The following MROH2B variants were observed in gnomAD, a reference collection of about 807,000 sequenced individuals.
MROH2B encodes the protein maestro heat-like repeat-containing protein family member 2B.
MROH2B carries 177 observed loss-of-function variants against 208.6 expected under a neutral mutation model. The ratio of observed to expected loss-of-function variants is 0.85; its 90% confidence interval spans 0.75 to 0.96. The LOEUF is 0.96. Among genes scored for constraint, MROH2B ranks in the 40% least tolerant of loss-of-function variants. The pLI is 0.00. For missense variants in MROH2B, 2,002 were observed against 1,878.7 expected (o/e 1.07, Z -1.21); for synonymous variants, 728 against 659.0 (o/e 1.10, Z -1.60).
intron 24 of MROH2B, among the ~76,000 whole-genome samples, chr5:41,027,959 G>T (rs1482254352): frequency 6.6e-6 from 1 of 151,328 alleles, no homozygotes; most frequent in African/African-American, 2.4e-5. Flanking sequence ...AACACCGCTT[G>T]TTCTCACTCA....
chr5:41,026,246 G>T (rs1346668896), intron 24 of MROH2B, among the ~76,000 whole-genome samples: 1 of 152,178 alleles, frequency 6.6e-6, no homozygotes, highest in Non-Finnish European at 1.5e-5. Context: ...AAGTCAAGTT[G>T]TCCCTGTTTG....
intron 33 of MROH2B, 54 bp downstream of exon 33, chr5:41,008,552 C>T: frequency 3.1e-6 from 5 of 1,591,520 alleles, no homozygotes; most frequent in Non-Finnish European, 3.4e-6. Flanking sequence ...AGCACCACTC[C>T]TGGAGTCTGG....
intron 11 of MROH2B, among the ~76,000 whole-genome samples, chr5:41,053,201 C>A (rs1743339520): frequency 6.6e-6 from 1 of 152,094 alleles, no homozygotes; most frequent in African/African-American, 2.4e-5. Context: ...ACTATGAAAA[C>A]TGGATTTTTG....
intron 10 of MROH2B, 53 bp from the exon 11 acceptor site, chr5:41,054,893 G>A: frequency 4.8e-6 from 6 of 1,243,290 alleles, no homozygotes; most frequent in Admixed American, 2.2e-5. Context: ...AGTACAGTAT[G>A]TTCTAGGATT....
chr5:41,002,441 C>A (rs1222729377), intron 37 of MROH2B, among the ~76,000 whole-genome samples: 1 of 152,150 alleles, frequency 6.6e-6, no homozygotes, highest in Non-Finnish European at 1.5e-5. Flanking sequence ...TCTACCATTT[C>A]ATTCAAGTGT....
At chr5:41,030,863 TA>T (rs1459204813) in intron 24 of MROH2B, among the ~76,000 whole-genome samples, 1 of 152,108 alleles carries the variant, frequency 6.6e-6, no homozygotes, top group Non-Finnish European at 1.5e-5. Context: ...ACTGTACACT[TA>T]AAAATGGCTG....
chr5:41,013,771 G>A (rs550290086), intron 29 of MROH2B, among the ~76,000 whole-genome samples: 28 of 152,270 alleles, frequency 1.8e-4, no homozygotes, highest in African/African-American at 5.5e-4. Context: ...GTTTTTGAGC[G>A]CCTATTATGT....
At chr5:41,040,729 C>G (rs747243403) in intron 19 of MROH2B, among the ~76,000 whole-genome samples, 1 of 152,050 alleles carries the variant, frequency 6.6e-6, no homozygotes, top group East Asian at 1.9e-4. Context: ...TGCAATGGTG[C>G]GATCTCGGCT....
At position 41,046,783 on chromosome 5, in the gene MROH2B, C is replaced by A. The variant is rs372580681; in HGVS notation, c.1729-930G>T. ...TTTTAAAATGGTAGCAGAAGGAAAT[C>A]TGGTAGGAATTTTGGGAGAGGGAAG... is the stretch of plus-strand genomic sequence containing the variant. On this transcript the variant is annotated intron_variant, in intron 17 of 41. Transcript: ENST00000399564. 6.6e-5 allele frequency among the ~76,000 whole-genome samples: 10 copies of A among 152,116 alleles called. No homozygotes were observed. In the East Asian group the frequency reaches 1.3e-3, roughly 21 times the overall value.
At position 41,061,597 on chromosome 5, in the gene MROH2B, C is replaced by A. The variant is rs1270248003; in HGVS notation, c.588G>T (p.Lys196Asn). The A allele has an allele frequency of 6.2e-7, 1 of 1,613,574 alleles. No individual in the cohort carries two copies. ...IFMLFWYIME[K>N]WAPLASPMQT... is the part of the protein sequence containing the mutation. ...GCATGGGTGAGGCCAAAGGGGCCCA[C>A]TTCTCCATTATATACCAGAACAGCA... The change falls in exon 6 of 42, where the codon AAG becomes AAT. Residue 196 changes from lysine (K) to asparagine (N), a missense_variant. Lys to Asn is a moderately conservative substitution (Grantham distance 94). Transcript: ENST00000399564.
chr5:41,045,130 G>A (rs1743077156), intron 18 of MROH2B, among the ~76,000 whole-genome samples: 1 of 152,098 alleles, frequency 6.6e-6, no homozygotes, highest in Admixed American at 6.5e-5. Context: ...AGAGACAGAG[G>A]GATAGAAGAA....
intron 6 of MROH2B, among the ~76,000 whole-genome samples, chr5:41,061,196 A>G (rs1275119351): frequency 6.6e-6 from 1 of 152,200 alleles, no homozygotes; most frequent in Non-Finnish European, 1.5e-5. Context: ...CAGCTCATAT[A>G]TGAGTTTTAA....
At chr5:41,010,595 A>T (rs13362106) in intron 30 of MROH2B, among the ~76,000 whole-genome samples, 57,422 of 152,062 alleles carry the variant, frequency 0.38, 11,333 homozygotes, top group Non-Finnish European at 0.44. Flanking sequence ...AGAAAGAAGA[A>T]CACAGATAAA....
At position 41,058,113 on chromosome 5, in the gene MROH2B, A is replaced by T. The variant is rs770449392; in HGVS notation, c.706T>A (p.Trp236Arg). 24 of 1,606,582 alleles carry T rather than the reference A, an allele frequency of 1.5e-5. No individual in the cohort carries two copies. The highest frequency in any genetic ancestry group is 2.2e-5 in the South Asian group (2 of 89,476). ...FRGYALGQVP[W>R]LLNQYKDKEI... Reference sequence around the variant, plus strand: ...TTGTCTTTATACTGGTTCAGGAGCCAGGGCACCTGGCCCAGGGCGTATCCA... The same window carrying T: ...TTGTCTTTATACTGGTTCAGGAGCCTGGGCACCTGGCCCAGGGCGTATCCA... Residue 236 changes from tryptophan to arginine, a missense_variant, in exon 7 of 42, where the codon TGG becomes AGG. Trp to Arg is a moderately radical substitution (Grantham distance 101). Coordinates refer to ENST00000399564, the MANE Select transcript of MROH2B (RefSeq NM_173489.5).
chr5:41,043,238 C>G (rs1166693160), intron 18 of MROH2B, among the ~76,000 whole-genome samples: 2 of 152,228 alleles, frequency 1.3e-5, no homozygotes, highest in African/African-American at 2.4e-5. Flanking sequence ...GGAGCAGTTG[C>G]TGTTATCTCA....
At chr5:41,055,676 G>A (rs941320774) in intron 10 of MROH2B, 66 bp downstream of exon 10, 7 of 1,154,140 alleles carry the variant, frequency 6.1e-6, no homozygotes, top group South Asian at 1.2e-5. Flanking sequence ...GGATTAGAGA[G>A]TGCATAGGCT....
At chr5:41,018,009 CT>C in intron 27 of MROH2B, 39 bp from the exon 28 acceptor site, 1 of 1,556,482 alleles carries the variant, frequency 6.4e-7, no homozygotes. Context: ...GATGGGGTAG[CT>C]TGGTCATATC....
chr5:41,006,227 T>C (rs568045058), intron 34 of MROH2B, among the ~76,000 whole-genome samples: 5 of 151,576 alleles, frequency 3.3e-5, no homozygotes, highest in Admixed American at 6.6e-5. Flanking sequence ...AACAAACATA[T>C]GGAAAAATGC....
At position 41,049,434 on chromosome 5, in the gene MROH2B, C is replaced by T. The variant is rs571840367; in HGVS notation, c.1347G>A (p.Val449=). The T allele has an allele frequency of 2.5e-6, 4 of 1,610,398 alleles. No homozygotes were observed. Among genetic ancestry groups the T allele is most frequent in the Non-Finnish European group, 2.5e-6 (3 of 1,178,716 alleles). ...LDPLVIGMPQ[V]LWPRILTFVV... ...CAAAAGTCAGGATCCTTGGCCATAGCACCTGTGGAAAACAGGGCATGATGC... is the reference window on the plus strand; with the variant it reads ...CAAAAGTCAGGATCCTTGGCCATAGTACCTGTGGAAAACAGGGCATGATGC... Residue 449 remains valine (V), a splice_region_variant and synonymous_variant, in exon 14 of 42, where the codon GTG becomes GTA. Coordinates refer to ENST00000399564, the MANE Select transcript of MROH2B (RefSeq NM_173489.5).
Sources: allele counts gnomAD v4.1 joint callset (sites outside exome capture counted in the v4.1 genomes callset), GRCh38; gene constraint gnomAD v4.1.1; transcripts MANE v1.5; gene names NCBI Gene and HGNC (gene_info 2026-07-23, HGNC 2026-07-21).